The following CMSS1 variants were observed in gnomAD, a reference collection of about 807,000 sequenced individuals.
The protein encoded by CMSS1 is protein CMSS1.
Under a neutral mutation model 43.5 loss-of-function variants are expected in CMSS1, and 33 were observed. The ratio of observed to expected loss-of-function variants is 0.76; its 90% confidence interval spans 0.57 to 1.01. The LOEUF is 1.01. Ranked by LOEUF, CMSS1 falls within the 50% of genes least tolerant of loss-of-function variation. The pLI, the probability that CMSS1 is intolerant of heterozygous loss-of-function variation, is 0.00. For synonymous variants in CMSS1, 115 were observed against 117.2 expected (o/e 0.98, Z 0.12); for missense variants, 313 against 326.4 (o/e 0.96, Z 0.32).
chr3:100,160,026 C>G, intron 2 of CMSS1: 1 of 421,634 alleles, frequency 2.4e-6, no homozygotes, highest in South Asian at 1.7e-5. Context: ...TCACACACAG[C>G]TAGTTCATGG....
chr3:99,854,802 T>TA (rs1295140645), intron 1 of CMSS1, among the ~76,000 whole-genome samples: 2 of 152,212 alleles, frequency 1.3e-5, no homozygotes, highest in Non-Finnish European at 2.9e-5. Context: ...TACTCAGCTT[T>TA]AATTAAACAG....
chr3:100,152,912 C>T (rs1475207534), intron 2 of CMSS1, among the ~76,000 whole-genome samples: 1 of 152,182 alleles, frequency 6.6e-6, no homozygotes, highest in Non-Finnish European at 1.5e-5. Flanking sequence ...CAAGCGCATT[C>T]TTCATCAATC....
chr3:99,956,439 G>T (rs531968728), intron 1 of CMSS1, among the ~76,000 whole-genome samples: 1 of 152,108 alleles, frequency 6.6e-6, no homozygotes, highest in East Asian at 1.9e-4. Flanking sequence ...TGCAAACTAC[G>T]CCTCCTAGGT....
intron 1 of CMSS1, chr3:99,849,591 G>A (rs1468316087): frequency 3.1e-6 from 5 of 1,613,464 alleles, no homozygotes; most frequent in Non-Finnish European, 4.2e-6. Flanking sequence ...GTTCATGGCT[G>A]GTCTCTGTCT....
chr3:99,844,425 G>GA (rs147960616), intron 1 of CMSS1, among the ~76,000 whole-genome samples: 1 of 151,976 alleles, frequency 6.6e-6, no homozygotes, highest in East Asian at 1.9e-4. Context: ...TTATTTGGAG[G>GA]AAAAAAATCT....
rs1193593802 is a variant in CMSS1 at position 99,963,784 on chromosome 3, A to AT, written c.64+145746dup. On this transcript the variant is annotated intron_variant, in intron 1 of 9. Coordinates refer to ENST00000421999, the MANE Select transcript of CMSS1 (RefSeq NM_032359.4). ...AGGCACACGCCACCATGCTCAGCTA[A>AT]TTTTTGTATTTTTAGCAGAGACAGG... Among the ~76,000 whole-genome samples, 4 of 151,818 alleles carry AT rather than the reference A, an allele frequency of 2.6e-5. No homozygotes were observed. The East Asian group carries it at 7.7e-4, about 29-fold the overall frequency.
chr3:100,059,921 T>G (rs2065531131), intron 1 of CMSS1, among the ~76,000 whole-genome samples: 1 of 152,044 alleles, frequency 6.6e-6, no homozygotes, highest in Non-Finnish European at 1.5e-5. Flanking sequence ...GAGCCTCCAG[T>G]CTGGGGAGTT....
In CMSS1 at chr3:99,874,306, G is replaced by T. The variant is rs1042390633; in HGVS notation, c.64+56263G>T. On this transcript the variant is annotated intron_variant, in intron 1 of 9. Coordinates refer to ENST00000421999, the MANE Select transcript of CMSS1 (RefSeq NM_032359.4). ...GGTATACCTGAAACAATAATTGATGGTTTCTGTTTGTCTCTTCCTCTGTTA... is the reference window on the plus strand; with the variant it reads ...GGTATACCTGAAACAATAATTGATGTTTTCTGTTTGTCTCTTCCTCTGTTA... 5.3e-5 allele frequency: 8 copies of T among 152,256 alleles called. No individual in the cohort carries two copies. In the East Asian group the frequency reaches 9.6e-4, roughly 18 times the overall value. 9.4% of individuals were successfully genotyped at this position (152,256 alleles called of 1,614,324 possible). A position where few individuals can be genotyped will look rare whatever the true frequency, so the allele number is the denominator to read the frequency against.
Position 100,044,362 on chromosome 3 carries a change from A to AGGG in CMSS1, c.65-102610_65-102609insGGG, listed in dbSNP as rs556843553. On this transcript the variant is annotated intron_variant, in intron 1 of 9. Coordinates refer to ENST00000421999, the MANE Select transcript of CMSS1 (RefSeq NM_032359.4). ...AAGTATTTACATCATAGTATAAAGA[A>AGGG]GTAACACAGGGGTAATCTGTCAAGG... is the stretch of plus-strand genomic sequence containing the variant. Among the ~76,000 whole-genome samples, 536 of 152,254 alleles carry AGGG rather than the reference A, an allele frequency of 3.5e-3. 5 individuals carry two copies. The highest frequency in any genetic ancestry group is 0.012 in the African/African-American group (489 of 41,520).
chr3:100,067,007 G>T (rs2065677195), intron 1 of CMSS1, among the ~76,000 whole-genome samples: 1 of 152,174 alleles, frequency 6.6e-6, no homozygotes, highest in African/African-American at 2.4e-5. Flanking sequence ...CATATTGAGT[G>T]AGATTCCTCA....
At chr3:99,893,162 C>CTTTTT (rs1200176411) in intron 1 of CMSS1, among the ~76,000 whole-genome samples, 1 of 107,646 alleles carries the variant, frequency 9.3e-6, no homozygotes, top group Non-Finnish European at 1.9e-5. Flanking sequence ...GGCATCTAGA[C>CTTTTT]TTTTTTTTTT....
intron 1 of CMSS1, among the ~76,000 whole-genome samples, chr3:99,989,379 C>T (rs1382117832): frequency 6.6e-6 from 1 of 152,128 alleles, no homozygotes; most frequent in Admixed American, 6.5e-5. Context: ...ATCCCCCAGA[C>T]AAGAAGACTA....
chr3:100,005,948 G>A (rs17379739), intron 1 of CMSS1, among the ~76,000 whole-genome samples: 32,051 of 151,998 alleles, frequency 0.21, 3,508 homozygotes, highest in South Asian at 0.26. Context: ...TCCCACCTCC[G>A]CTATTGCTTT....
intron 4 of CMSS1, among the ~76,000 whole-genome samples, chr3:100,163,171 A>G (rs539980876): frequency 6.6e-6 from 1 of 152,354 alleles, no homozygotes; most frequent in Non-Finnish European, 1.5e-5. Context: ...TTAACAAACT[A>G]TTCAATGAGT....
At chr3:99,872,790 G>A (rs1944867521) in intron 1 of CMSS1, among the ~76,000 whole-genome samples, 1 of 152,026 alleles carries the variant, frequency 6.6e-6, no homozygotes. Flanking sequence ...GCATGAAGAG[G>A]GAGTGTTTCT....
At chr3:99,849,526 CTT>C in intron 1 of CMSS1, 1 of 1,613,406 alleles carries the variant, frequency 6.2e-7, no homozygotes, top group Non-Finnish European at 8.5e-7. Flanking sequence ...ATCCACTTCT[CTT>C]GAGAGGTGCC....
chr3:99,914,144 C>T (rs1407754702), intron 1 of CMSS1, among the ~76,000 whole-genome samples: 1 of 152,138 alleles, frequency 6.6e-6, no homozygotes, highest in Non-Finnish European at 1.5e-5. Flanking sequence ...CATGTAGGGC[C>T]AGTACTGAGT....
At chr3:99,875,747 C>T (rs1251458894) in intron 1 of CMSS1, among the ~76,000 whole-genome samples, 2 of 152,056 alleles carry the variant, frequency 1.3e-5, no homozygotes, top group Non-Finnish European at 2.9e-5. Context: ...ATATAGTCTC[C>T]CCCACCCTTT....
At chr3:99,897,614 A>G (rs1405484051) in intron 1 of CMSS1, among the ~76,000 whole-genome samples, 8 of 152,206 alleles carry the variant, frequency 5.3e-5, no homozygotes, top group African/African-American at 1.9e-4. Flanking sequence ...GTGCTGGGGT[A>G]TCGTGTATTT....
Sources: gnomAD v4.1 joint callset for allele counts (sites outside exome capture counted in the v4.1 genomes callset) on GRCh38, gnomAD v4.1.1 for gene constraint, MANE v1.5 for transcripts, NCBI Gene and HGNC (gene_info 2026-07-23, HGNC 2026-07-21) for gene names.